Variants in AP4E1 observed in about 807,000 individuals in gnomAD.
AP4E1 encodes the protein AP-4 complex subunit epsilon-1.
In AP4E1, 56 loss-of-function variants were observed where a neutral mutation model predicts 128.2. That is an observed-to-expected ratio of 0.44 (90% CI 0.35 to 0.55). The LOEUF (loss-of-function observed/expected upper bound fraction) is 0.55. Among genes scored for constraint, AP4E1 ranks in the 20% least tolerant of loss-of-function variants. The pLI, the probability that AP4E1 is intolerant of heterozygous loss-of-function variation, is 0.00. For synonymous variants in AP4E1, 484 were observed against 473.1 expected, an observed-to-expected ratio of 1.02 and a Z score of -0.30; for missense variants, 1,324 against 1,307.7, an observed-to-expected ratio of 1.01 and a Z score of -0.19.
At chr15:50,983,591 C>T (rs955744278) in intron 15 of AP4E1, among the ~76,000 whole-genome samples, 3 of 152,000 alleles carry the variant, frequency 2.0e-5, no homozygotes, top group Non-Finnish European at 2.9e-5. Context: ...GGAGATTTTA[C>T]GTTGAGGACT....
chr15:50,974,231 G>T (rs1486321601), intron 15 of AP4E1, among the ~76,000 whole-genome samples: 2 of 150,416 alleles, frequency 1.3e-5, no homozygotes, highest in Non-Finnish European at 2.9e-5. Flanking sequence ...TTCCCAAAGT[G>T]CTGGGATTAC....
intron 1 of AP4E1, among the ~76,000 whole-genome samples, chr15:50,911,149 T>A (rs2063562392): frequency 6.6e-6 from 1 of 152,148 alleles, no homozygotes; most frequent in African/African-American, 2.4e-5. Flanking sequence ...GAACATGTAA[T>A]TCAGTGTGTA....
At position 50,942,685 on chromosome 15, in the gene AP4E1, T is replaced by C. The variant is rs889886440; in HGVS notation, c.1176+910T>C. Among the ~76,000 whole-genome samples, 3 of 148,234 alleles carry C rather than the reference T, an allele frequency of 2.0e-5. No homozygotes were observed. The South Asian group carries it at 6.3e-4, about 31-fold the overall frequency. On this transcript the variant is annotated intron_variant, in intron 10 of 20. Transcript: ENST00000261842. Reference sequence around the variant, plus strand: ...TATATTACATTTTAATATATATAATTATATATATTACTTATAATAATAATA... The same window carrying C: ...TATATTACATTTTAATATATATAATCATATATATTACTTATAATAATAATA...
chr15:50,984,277 T>G (rs146167920), intron 16 of AP4E1, 132 bp downstream of exon 16: 17 of 1,122,408 alleles, frequency 1.5e-5, no homozygotes, highest in Non-Finnish European at 1.9e-5. Flanking sequence ...TTTCAAGAGG[T>G]CTATTGTTTC....
At position 50,908,716 on chromosome 15, in the gene AP4E1, C is replaced by T. The variant is rs2063526582; in HGVS notation, c.-63C>T. On this transcript the variant is annotated 5_prime_UTR_variant, in exon 1 of 21. Transcript: ENST00000261842. ...CGGAGGCCGGGCCGGCAGCGGCGGC[C>T]GGGCATGAAGCCGGGCGGCTACGGG... 2 of 1,406,204 alleles carry T rather than the reference C, an allele frequency of 1.4e-6. No homozygotes were observed. The highest frequency in any genetic ancestry group is 3.7e-5 in the Admixed American group (1 of 27,192). The allele number at this position is 1,406,204 out of a possible 1,614,324, so 87.1% of individuals were successfully genotyped here.
chr15:50,925,290 AT>A, intron 5 of AP4E1, 71 bp downstream of exon 5: 1 of 1,496,354 alleles, frequency 6.7e-7, no homozygotes. Flanking sequence ...TAGAAAATTT[AT>A]TACAACTTCA....
chr15:50,941,717 A>C lies in AP4E1; in HGVS notation c.1118A>C (p.Gln373Pro). 1 of 1,613,706 alleles carries C rather than the reference A, an allele frequency of 6.2e-7. No homozygotes were observed. Among genetic ancestry groups the C allele is most frequent in the Non-Finnish European group, 8.5e-7 (1 of 1,179,730 alleles). ...CAACAGGATCCTACTCTGGCTCTTC[A>C]ACACCAGATGACAATAATTGAATGT... The part of the protein sequence containing the change: ...VIQQDPTLAL[Q>P]HQMTIIECLD... The change falls in exon 10 of 21, where the codon CAA (glutamine) becomes CCA (proline). Residue 373 changes from glutamine (Q) to proline (P), a missense_variant. Gln to Pro is a moderately conservative substitution (Grantham distance 76). Transcript: ENST00000261842.
chr15:50,991,848 C>G (rs948965312), intron 16 of AP4E1, among the ~76,000 whole-genome samples: 1 of 151,776 alleles, frequency 6.6e-6, no homozygotes, highest in Admixed American at 6.6e-5. Flanking sequence ...CTGAGTCTTC[C>G]TTTTTGTTCA....
At chr15:50,921,253 G>A (rs775821413) in intron 3 of AP4E1, among the ~76,000 whole-genome samples, 14 of 152,104 alleles carry the variant, frequency 9.2e-5, no homozygotes, top group East Asian at 3.8e-4. Flanking sequence ...GCCCCCCAAC[G>A]TGCTGGAATT....
rs1448329865 is a variant in AP4E1, at chr15:51,003,961, CAT to C, written c.*1300_*1301del. On this transcript the variant is annotated 3_prime_UTR_variant, in exon 21 of 21. Coordinates refer to ENST00000261842, the MANE Select transcript of AP4E1 (RefSeq NM_007347.5). ...GGGATTCTCCAGATCTAATAGATTT[CAT>C]TAGTCATTTGTGTCGAGTATTCCTC... The C allele has an allele frequency of 2.0e-5, 3 of 152,450 alleles. No homozygotes were observed. The highest frequency in any genetic ancestry group is 4.1e-4 in the South Asian group (2 of 4,824). The allele number at this position is 152,450 out of a possible 1,614,324, so 9.4% of individuals were successfully genotyped here. A position where few individuals can be genotyped will look rare whatever the true frequency, so the allele number is the denominator to read the frequency against.
intron 11 of AP4E1, 110 bp downstream of exon 11, chr15:50,948,269 A>G (rs931517389): frequency 3.8e-6 from 5 of 1,327,930 alleles, no homozygotes; most frequent in Non-Finnish European, 4.2e-6. Flanking sequence ...ACCTAGCAAT[A>G]CTTTTTATTC....
Position 51,002,647 on chromosome 15 carries a change from G to C in AP4E1, c.3399G>C (p.Val1133=), listed in dbSNP as rs1352776365. The C allele has an allele frequency of 1.4e-5, 23 of 1,614,108 alleles. No individual in the cohort carries two copies. Among genetic ancestry groups the C allele is most frequent in the Non-Finnish European group, 1.8e-5 (21 of 1,179,982 alleles). Residue 1133 remains valine (V), a synonymous_variant, in exon 21 of 21, where the codon GTG becomes GTC. Coordinates refer to ENST00000261842, the MANE Select transcript of AP4E1 (RefSeq NM_007347.5). ...PDYLLYQCQK[V]MEGS ...ATTTACTGTATCAGTGTCAAAAGGT[G>C]ATGGAGGGATCCTAGCAGAAGCCCT... is the stretch of plus-strand genomic sequence containing the variant.
chr15:50,991,349 TAAAG>T (rs909493525), intron 16 of AP4E1, among the ~76,000 whole-genome samples: 39 of 152,274 alleles, frequency 2.6e-4, no homozygotes, highest in African/African-American at 8.7e-4. Flanking sequence ...TTTTTGTAAA[TAAAG>T]GTAATATTTT....
At chr15:50,947,144 A>G (rs531517375) in intron 10 of AP4E1, among the ~76,000 whole-genome samples, 1 of 150,294 alleles carries the variant, frequency 6.7e-6, no homozygotes, top group Non-Finnish European at 1.5e-5. Context: ...GGCCAGGCAC[A>G]GTGGCTCATG....
intron 4 of AP4E1, among the ~76,000 whole-genome samples, chr15:50,924,401 TAAAA>T (rs1168199253): frequency 6.6e-6 from 1 of 152,102 alleles, no homozygotes; most frequent in Non-Finnish European, 1.5e-5. Flanking sequence ...AAAAGTCATT[TAAAA>T]AAAGAATAGA....
chr15:50,923,590 G>A (rs1158900389), intron 3 of AP4E1, among the ~76,000 whole-genome samples: 1 of 152,028 alleles, frequency 6.6e-6, no homozygotes, highest in Non-Finnish European at 1.5e-5. Flanking sequence ...CTATAAAATA[G>A]CAATTATAAA....
chr15:50,924,147 G>A, intron 4 of AP4E1, 143 bp downstream of exon 4: 1 of 661,506 alleles, frequency 1.5e-6, no homozygotes, highest in Non-Finnish European at 2.6e-6. Flanking sequence ...ATCAGTTTCT[G>A]CATCTATAAA....
rs575222915 is a variant in AP4E1, at chr15:50,915,694, C to G, written c.346+123C>G. On this transcript the variant is annotated intron_variant, in intron 3 of 20. Coordinates refer to ENST00000261842, the MANE Select transcript of AP4E1 (RefSeq NM_007347.5). ...GAATACTGTATTATAATTTCTAAAA[C>G]TTTAAAAGATCACACTTCAGAAAGT... 7 of 1,208,670 alleles carry G rather than the reference C, an allele frequency of 5.8e-6. No individual in the cohort carries two copies. The South Asian group carries it at 9.7e-5, about 17-fold the overall frequency. The allele number at this position is 1,208,670 out of a possible 1,614,324, so 74.9% of individuals were successfully genotyped here. A position where few individuals can be genotyped will look rare whatever the true frequency, so the allele number is the denominator to read the frequency against.
intron 9 of AP4E1, 22 bp from the exon 10 acceptor site, chr15:50,941,644 T>A (rs376873575): frequency 6.2e-7 from 1 of 1,611,950 alleles, no homozygotes; most frequent in Non-Finnish European, 8.5e-7. Context: ...ATTCACTTTG[T>A]ATAATGTGTC....
Sources: allele counts gnomAD v4.1 joint callset (sites outside exome capture counted in the v4.1 genomes callset), GRCh38; gene constraint gnomAD v4.1.1; transcripts MANE v1.5; gene names NCBI Gene and HGNC (gene_info 2026-07-23, HGNC 2026-07-21).